The following MYO3A variants were observed in gnomAD, a reference collection of about 807,000 sequenced individuals.
MYO3A encodes the protein myosin IIIA, also known as myosin-IIIa.
In MYO3A, 180 loss-of-function variants were observed where a neutral mutation model predicts 192.7. The ratio of observed to expected loss-of-function variants is 0.93; its 90% confidence interval spans 0.83 to 1.06. MYO3A has a LOEUF of 1.06. Among genes scored for constraint, MYO3A ranks in the 50% least tolerant of loss-of-function variants. The pLI, the probability that MYO3A is intolerant of heterozygous loss-of-function variation, is 0.00. For synonymous variants in MYO3A, 628 were observed against 645.3 expected, an observed-to-expected ratio of 0.97 and a Z score of 0.41; for missense variants, 1,896 against 1,905.0, an observed-to-expected ratio of 1.00 and a Z score of 0.09.
chr10:26,153,838 A>T lies in MYO3A; in HGVS notation c.2636-12A>T. 6.6e-7 allele frequency: 1 copy of T among 1,510,278 alleles called. No homozygotes were observed. The highest frequency in any genetic ancestry group is 1.1e-5 in the South Asian group (1 of 88,766). 93.6% of individuals were successfully genotyped at this position (1,510,278 alleles called of 1,614,324 possible). A position where few individuals can be genotyped will look rare whatever the true frequency, so the allele number is the denominator to read the frequency against. On this transcript the variant is annotated splice_polypyrimidine_tract_variant and intron_variant, in intron 23 of 34. Coordinates refer to ENST00000642920, the MANE Select transcript of MYO3A (RefSeq NM_017433.5). The stretch of plus-strand genomic sequence containing the variant: ...TCTAAAAGGTATATTACATTTTTCT[A>T]CATTCTCATAGGTAATCTGCCACAT...
intron 23 of MYO3A, among the ~76,000 whole-genome samples, chr10:26,149,952 C>G (rs1434997696): frequency 6.6e-6 from 1 of 152,120 alleles, no homozygotes; most frequent in Admixed American, 6.6e-5. Context: ...TCCACAAATT[C>G]CATCCAGTAT....
intron 9 of MYO3A, 133 bp downstream of exon 9, chr10:26,024,220 G>A: frequency 1.2e-6 from 1 of 858,000 alleles, no homozygotes; most frequent in South Asian, 1.5e-5. Flanking sequence ...CATCTATAGT[G>A]TCTTTTAAAT....
chr10:26,030,117 C>T (rs1239144220), intron 10 of MYO3A, among the ~76,000 whole-genome samples: 1 of 152,110 alleles, frequency 6.6e-6, no homozygotes, highest in Admixed American at 6.5e-5. Context: ...CACACTCAGC[C>T]CCATTCTTCC....
intron 14 of MYO3A, 101 bp from the exon 15 acceptor site, chr10:26,088,102 T>C: frequency 3.2e-6 from 3 of 931,256 alleles, no homozygotes; most frequent in South Asian, 3.6e-5. Context: ...TGCTTTTGTA[T>C]GTTTATATCT....
In MYO3A at chr10:26,147,576, T is replaced by C. The variant is rs751065223; in HGVS notation, c.2635+17T>C. On this transcript the variant is annotated intron_variant, in intron 23 of 34. Coordinates refer to ENST00000642920, the MANE Select transcript of MYO3A (RefSeq NM_017433.5). Reference sequence around the variant, plus strand: ...CCAAAACAGGTAAGACAATTTTCCTTACCTGGAAGTTTTCTGAAGCCCAAT... The same window carrying C: ...CCAAAACAGGTAAGACAATTTTCCTCACCTGGAAGTTTTCTGAAGCCCAAT... 2.8e-5 allele frequency: 45 copies of C among 1,613,906 alleles called. 2 individuals are homozygous for C. In the South Asian group the frequency reaches 4.6e-4, roughly 17 times the overall value.
chr10:25,943,768 T>TGTG (rs367579002), intron 2 of MYO3A, among the ~76,000 whole-genome samples: 2 of 142,590 alleles, frequency 1.4e-5, no homozygotes, highest in African/African-American at 2.6e-5. Flanking sequence ...GTTCTAACAT[T>TGTG]TGTGTGTGTG....
At chr10:26,065,075 A>C (rs1379127076) in intron 10 of MYO3A, among the ~76,000 whole-genome samples, 1 of 152,204 alleles carries the variant, frequency 6.6e-6, no homozygotes, top group African/African-American at 2.4e-5. Flanking sequence ...ACCGAAAAAG[A>C]TACTCAGACA....
intron 4 of MYO3A, among the ~76,000 whole-genome samples, chr10:25,981,973 G>C (rs900215451): frequency 1.3e-5 from 2 of 152,260 alleles, no homozygotes; most frequent in South Asian, 4.1e-4. Context: ...TTCTCAATGG[G>C]GAGGCTCGTA....
chr10:25,997,028 G>T, intron 5 of MYO3A, 131 bp from the exon 6 acceptor site: 2 of 704,282 alleles, frequency 2.8e-6, no homozygotes. Flanking sequence ...CTAACTCAAT[G>T]TGAAACATTT....
intron 31 of MYO3A, among the ~76,000 whole-genome samples, chr10:26,185,500 C>G (rs751916356): frequency 6.6e-6 from 1 of 151,560 alleles, no homozygotes; most frequent in Non-Finnish European, 1.5e-5. Flanking sequence ...CCACCATGCC[C>G]GGCTAAATTT....
chr10:25,991,406 G>T (rs1352091264), intron 4 of MYO3A, among the ~76,000 whole-genome samples: 1 of 152,100 alleles, frequency 6.6e-6, no homozygotes, highest in African/African-American at 2.4e-5. Flanking sequence ...GTAGATTCTG[G>T]ATATTAGCCC....
intron 4 of MYO3A, among the ~76,000 whole-genome samples, chr10:25,973,224 T>C (rs1373147822): frequency 6.6e-6 from 1 of 152,170 alleles, no homozygotes; most frequent in Non-Finnish European, 1.5e-5. Context: ...TTGCTAGGCA[T>C]TTTATTCTCT....
chr10:25,972,825 A>C (rs1479388711), intron 4 of MYO3A, among the ~76,000 whole-genome samples: 4 of 152,086 alleles, frequency 2.6e-5, no homozygotes, highest in African/African-American at 7.2e-5. Context: ...ATTAGGCTCC[A>C]CTAATTGTCA....
chr10:26,196,368 A>G (rs1256007141), intron 32 of MYO3A, among the ~76,000 whole-genome samples: 3 of 152,224 alleles, frequency 2.0e-5, no homozygotes, highest in Non-Finnish European at 2.9e-5. Flanking sequence ...AGTGTGGAGC[A>G]AATTCTGAGC....
intron 14 of MYO3A, among the ~76,000 whole-genome samples, chr10:26,076,938 A>G (rs1047842876): frequency 1.6e-4 from 25 of 152,092 alleles, no homozygotes; most frequent in African/African-American, 6.0e-4. Flanking sequence ...TGATGCCTCA[A>G]GATTCGTTCC....
intron 4 of MYO3A, among the ~76,000 whole-genome samples, chr10:25,991,726 A>G (rs986740452): frequency 3.9e-5 from 6 of 152,182 alleles, no homozygotes; most frequent in African/African-American, 1.2e-4. Context: ...TCAGCTTTCT[A>G]CATATGACTA....
intron 18 of MYO3A, among the ~76,000 whole-genome samples, chr10:26,124,677 T>C (rs1441019589): frequency 6.6e-6 from 1 of 152,240 alleles, no homozygotes; most frequent in Non-Finnish European, 1.5e-5. Context: ...AGCCAATCTG[T>C]CATGTAATAG....
chr10:26,062,515 C>CAA (rs573334201), intron 10 of MYO3A, among the ~76,000 whole-genome samples: 47 of 42,234 alleles, frequency 1.1e-3, no homozygotes, highest in Non-Finnish European at 2.4e-3. Context: ...GATGCCATCT[C>CAA]AAAAAAAAAA....
In MYO3A at chr10:26,120,702, C is replaced by G. The variant is rs201584106; in HGVS notation, c.1803C>G (p.Leu601=). ...AACTTGGTAGTATATACAGCATACT[C>G]GCTGCAATCTTGAATGTTGGCAACA... ...MEQLGSIYSI[L]AAILNVGNIE... Residue 601 remains leucine (L), a synonymous_variant, in exon 18 of 35, where the codon CTC becomes CTG. Transcript: ENST00000642920. 2 of 1,614,010 alleles carry G rather than the reference C, an allele frequency of 1.2e-6. No individual in the cohort carries two copies. The highest frequency in any genetic ancestry group is 1.1e-5 in the South Asian group (1 of 91,072).
Sources: allele counts gnomAD v4.1 joint callset (sites outside exome capture counted in the v4.1 genomes callset), GRCh38; gene constraint gnomAD v4.1.1; transcripts MANE v1.5; gene names NCBI Gene and HGNC (gene_info 2026-07-23, HGNC 2026-07-21).